SKAP2: variants seen among roughly 807,000 people sequenced by gnomAD.
SKAP2 encodes src kinase associated phosphoprotein 2, also known as src kinase-associated phosphoprotein 2.
Under a neutral mutation model 54.9 loss-of-function variants are expected in SKAP2, and 28 were observed. The ratio of observed to expected loss-of-function variants is 0.51; its 90% CI spans 0.38 to 0.70. The LOEUF is 0.70. SKAP2 is among the 30% of genes least tolerant of loss of function. SKAP2 has a pLI of 0.00. For synonymous variants in SKAP2, 137 were observed against 134.3 expected (o/e 1.02, Z -0.14); for missense variants, 356 against 424.1 (o/e 0.84, Z 1.41).
At position 26,771,196 on chromosome 7, in the gene SKAP2, G is replaced by A. The variant is rs183397036; in HGVS notation, c.308-31232C>T. 7.9e-5 allele frequency among the ~76,000 whole-genome samples: 12 copies of A among 152,208 alleles called. No homozygotes were observed. The South Asian group carries it at 1.7e-3, about 21-fold the overall frequency. ...CTTGTTAATATGCCACCTTTCCCTA[G>A]GTGTAGCTAGTGATAATAAAGGTTT... On this transcript the variant is annotated intron_variant, in intron 4 of 12. Coordinates refer to ENST00000345317, the MANE Select transcript of SKAP2 (RefSeq NM_003930.5).
rs112636687 is a variant in SKAP2, at chr7:26,723,652, G to A, written c.796+1776C>T. Among the ~76,000 whole-genome samples, 644 of 152,086 alleles carry A rather than the reference G, an allele frequency of 4.2e-3. 5 individuals carry two copies. Among genetic ancestry groups the A allele is most frequent in the African/African-American group, 0.015 (615 of 41,504 alleles). On this transcript the variant is annotated intron_variant, in intron 9 of 12. Coordinates refer to ENST00000345317, the MANE Select transcript of SKAP2 (RefSeq NM_003930.5). ...TTTCAAGCTACTCAGACCTTCCTTAGGTCTTTGTTATGAAAATAACTATGA... is the reference window on the plus strand; with the variant it reads ...TTTCAAGCTACTCAGACCTTCCTTAAGTCTTTGTTATGAAAATAACTATGA...
intron 11 of SKAP2, among the ~76,000 whole-genome samples, chr7:26,677,471 T>C (rs188763879): frequency 6.6e-5 from 10 of 151,424 alleles, no homozygotes; most frequent in East Asian, 1.9e-4. Flanking sequence ...TTCATCAATA[T>C]AGCCATCCAC....
At chr7:26,802,953 T>C (rs916480085) in intron 4 of SKAP2, among the ~76,000 whole-genome samples, 1 of 152,064 alleles carries the variant, frequency 6.6e-6, no homozygotes, top group Admixed American at 6.6e-5. Context: ...TCTCTCACCA[T>C]ATACAAAAAT....
chr7:26,659,557 G>A, the SKAP2 span, among the ~76,000 whole-genome samples: 1 of 152,288 alleles, frequency 6.6e-6, no homozygotes, highest in East Asian at 1.9e-4. Context: ...TTGTAATAAT[G>A]AGATGTTTAC....
intron 9 of SKAP2, among the ~76,000 whole-genome samples, chr7:26,724,280 T>C (rs1787648094): frequency 6.6e-6 from 1 of 152,152 alleles, no homozygotes; most frequent in South Asian, 2.1e-4. Context: ...AAAATGATGG[T>C]GATGTTACAA....
chr7:26,663,745 C>T (rs182675311), downstream of SKAP2, among the ~76,000 whole-genome samples: 433 of 152,240 alleles, frequency 2.8e-3, 4 homozygotes, highest in African/African-American at 1.0e-2. Flanking sequence ...CTTTACTGGG[C>T]TTCACATTGG....
At chr7:26,740,068 T>C in intron 4 of SKAP2, 104 bp from the exon 5 acceptor site, 1 of 682,254 alleles carries the variant, frequency 1.5e-6, no homozygotes, top group South Asian at 1.9e-5. Flanking sequence ...ATTACTGAAA[T>C]TGTTTAAATC....
intron 4 of SKAP2, among the ~76,000 whole-genome samples, chr7:26,747,565 A>G (rs935387639): frequency 7.9e-5 from 12 of 152,200 alleles, no homozygotes; most frequent in African/African-American, 2.9e-4. Context: ...GTTAGGGTGG[A>G]AATTTTCACT....
Position 26,796,894 on chromosome 7 carries a change from C to A in SKAP2, c.307+47136G>T, listed in dbSNP as rs1347544346. On this transcript the variant is annotated intron_variant, in intron 4 of 12. Coordinates refer to ENST00000345317, the MANE Select transcript of SKAP2 (RefSeq NM_003930.5). ...AGCACAGGGGGTTGACATCCCTAAA[C>A]CCTCACATTGTTCATGAGTCAACTG... is the stretch of plus-strand genomic sequence containing the variant. 2.0e-5 allele frequency among the ~76,000 whole-genome samples: 3 copies of A among 152,256 alleles called. No individual in the cohort carries two copies. The East Asian group carries it at 5.8e-4, about 29-fold the overall frequency.
At chr7:26,804,716 G>A (rs1289025182) in intron 4 of SKAP2, among the ~76,000 whole-genome samples, 1 of 149,122 alleles carries the variant, frequency 6.7e-6, no homozygotes, top group Non-Finnish European at 1.5e-5. Flanking sequence ...TCCAGCCTGG[G>A]TGACAGAGTG....
In SKAP2 at chr7:26,814,444, G is replaced by C. The variant is rs555496691; in HGVS notation, c.307+29586C>G. ...ACAACCAAATCACAGCAATTTAGCT[G>C]TATATTTTATCTAATATTCTGTAAA... On this transcript the variant is annotated intron_variant, in intron 4 of 12. Coordinates refer to ENST00000345317, the MANE Select transcript of SKAP2 (RefSeq NM_003930.5). Among the ~76,000 whole-genome samples, 9 of 151,348 alleles carry C rather than the reference G, an allele frequency of 5.9e-5. No individual in the cohort carries two copies. In the East Asian group the frequency reaches 1.8e-3, roughly 30 times the overall value.
At chr7:26,861,537 A>G (rs1755547176) in intron 1 of SKAP2, among the ~76,000 whole-genome samples, 1 of 152,004 alleles carries the variant, frequency 6.6e-6, no homozygotes, top group South Asian at 2.1e-4. Context: ...CACAGAAAAT[A>G]TAACTAAAAA....
intron 11 of SKAP2, among the ~76,000 whole-genome samples, chr7:26,676,161 C>A (rs1363362249): frequency 6.6e-6 from 1 of 152,162 alleles, no homozygotes; most frequent in Non-Finnish European, 1.5e-5. Flanking sequence ...TGGACCCTCA[C>A]AGAATTCCCT....
intron 6 of SKAP2, among the ~76,000 whole-genome samples, chr7:26,727,349 T>C (rs114419048): frequency 0.012 from 1,791 of 152,154 alleles, 35 homozygotes; most frequent in African/African-American, 0.04. Flanking sequence ...AGTAGGCCAG[T>C]GGGAAGATCT....
the SKAP2 span, among the ~76,000 whole-genome samples, chr7:26,661,208 T>C: frequency 3.3e-5 from 5 of 152,136 alleles, no homozygotes. Context: ...AGGTTACATG[T>C]AACGAGGTTC....
At chr7:26,762,634 G>C (rs996605911) in intron 4 of SKAP2, among the ~76,000 whole-genome samples, 1 of 151,606 alleles carries the variant, frequency 6.6e-6, no homozygotes, top group Non-Finnish European at 1.5e-5. Context: ...TCAGGAGATC[G>C]AGACCATCCT....
At chr7:26,666,719 C>T (rs1321781724), downstream of SKAP2, among the ~76,000 whole-genome samples, 4 of 152,040 alleles carry the variant, frequency 2.6e-5, no homozygotes, top group Non-Finnish European at 4.4e-5. Context: ...AATCAGCTTC[C>T]AATAAAATAA....
rs2127956456 is a variant in SKAP2 at position 26,726,975 on chromosome 7, A to G, written c.501T>C (p.Asp167=). The part of the protein sequence containing the change: ...DKQQKGEFAI[D]GYSVRMNNTL... ...TGTTATTCATTCTGACACTGTAGCCATCTATTGCAAATTCACCTTTCTGTT... is the reference window on the plus strand; with the variant it reads ...TGTTATTCATTCTGACACTGTAGCCGTCTATTGCAAATTCACCTTTCTGTT... Residue 167 remains aspartate, a synonymous_variant, in exon 7 of 13, where the codon GAT becomes GAC. Coordinates refer to ENST00000345317, the MANE Select transcript of SKAP2 (RefSeq NM_003930.5). 1 of 1,604,254 alleles carries G rather than the reference A, an allele frequency of 6.2e-7. No homozygotes were observed. Among genetic ancestry groups the G allele is most frequent in the East Asian group, 2.3e-5 (1 of 44,334 alleles).
chr7:26,798,144 C>T (rs1251727852), intron 4 of SKAP2, among the ~76,000 whole-genome samples: 1 of 151,854 alleles, frequency 6.6e-6, no homozygotes, highest in Non-Finnish European at 1.5e-5. Context: ...AATAGTCAAA[C>T]TCCCAAAGAC....
Sources: gnomAD v4.1 joint callset for allele counts (sites outside exome capture counted in the v4.1 genomes callset) on GRCh38, gnomAD v4.1.1 for gene constraint, MANE v1.5 for transcripts, NCBI Gene and HGNC (gene_info 2026-07-23, HGNC 2026-07-21) for gene names.